KCNT2: variants seen among roughly 807,000 people sequenced by gnomAD.
KCNT2 encodes the protein potassium sodium-activated channel subfamily T member 2.
In KCNT2, 67 loss-of-function variants were observed where a neutral mutation model predicts 153.8. That is an observed-to-expected ratio of 0.44 (90% CI 0.36 to 0.53). The LOEUF is 0.53. Ranked by LOEUF, KCNT2 falls within the 20% of genes least tolerant of loss-of-function variation. The pLI is 0.00. For missense variants in KCNT2, 975 were observed against 1,354.8 expected (o/e 0.72, Z 4.40); for synonymous variants, 500 against 458.8 (o/e 1.09, Z -1.15).
At chr1:196,252,834 T>C (rs1286546627) in intron 26 of KCNT2, among the ~76,000 whole-genome samples, 2 of 151,258 alleles carry the variant, frequency 1.3e-5, no homozygotes, top group African/African-American at 4.8e-5. Context: ...TTATATATAA[T>C]GTTATAGGTG....
At chr1:196,390,259 G>A (rs1328523841) in intron 13 of KCNT2, among the ~76,000 whole-genome samples, 10 of 151,412 alleles carry the variant, frequency 6.6e-5, no homozygotes, top group Admixed American at 1.3e-4. Context: ...TACATGTTAT[G>A]TGTCAAGCAC....
chr1:196,259,963 C>T (rs1353394550), intron 25 of KCNT2, among the ~76,000 whole-genome samples: 1 of 151,810 alleles, frequency 6.6e-6, no homozygotes. Flanking sequence ...TAAAAATTCA[C>T]TTCTGTGGAA....
chr1:196,326,606 A>G (rs1281950204), intron 19 of KCNT2, 111 bp downstream of exon 19: 5 of 551,754 alleles, frequency 9.1e-6, no homozygotes, highest in Admixed American at 7.8e-5. Context: ...ATGTACCATA[A>G]TGTATCTGAT....
intron 11 of KCNT2, among the ~76,000 whole-genome samples, chr1:196,425,387 C>T (rs554000320): frequency 6.6e-6 from 1 of 151,650 alleles, no homozygotes; most frequent in Admixed American, 6.6e-5. Flanking sequence ...CCAGGCAACA[C>T]AAGTGCTATG....
chr1:196,556,660 A>G (rs534605426), intron 1 of KCNT2, among the ~76,000 whole-genome samples: 2 of 151,518 alleles, frequency 1.3e-5, no homozygotes, highest in African/African-American at 2.4e-5. Flanking sequence ...GAATCAGTAT[A>G]TTGGAGATAT....
At chr1:196,279,716 C>T (rs1658913934) in intron 25 of KCNT2, among the ~76,000 whole-genome samples, 2 of 151,850 alleles carry the variant, frequency 1.3e-5, no homozygotes, top group African/African-American at 4.8e-5. Context: ...GTGTGAGCCA[C>T]TGTGCCAGGC....
At chr1:196,576,067 A>C (rs929440939) in intron 1 of KCNT2, among the ~76,000 whole-genome samples, 3 of 104,192 alleles carry the variant, frequency 2.9e-5, no homozygotes, top group African/African-American at 9.8e-5. Flanking sequence ...GCAGTGTGTT[A>C]GGTTTTATAT....
At chr1:196,323,857 T>C (rs1663574726) in intron 19 of KCNT2, among the ~76,000 whole-genome samples, 2 of 151,772 alleles carry the variant, frequency 1.3e-5, no homozygotes, top group African/African-American at 2.4e-5. Flanking sequence ...TTGTAGGAAT[T>C]CCTATAATAT....
chr1:196,342,450 A>G (rs979388333), intron 14 of KCNT2, among the ~76,000 whole-genome samples: 18 of 140,758 alleles, frequency 1.3e-4, no homozygotes, highest in African/African-American at 3.7e-4. Flanking sequence ...ATATATATGT[A>G]TATATATATA....
intron 12 of KCNT2, among the ~76,000 whole-genome samples, chr1:196,410,936 C>T (rs1186402222): frequency 6.7e-6 from 1 of 150,138 alleles, no homozygotes; most frequent in Non-Finnish European, 1.5e-5. Flanking sequence ...TTTCTTTTCT[C>T]CTTCTCTCCT....
intron 19 of KCNT2, among the ~76,000 whole-genome samples, chr1:196,321,390 A>T (rs1362925970): frequency 6.6e-6 from 1 of 151,936 alleles, no homozygotes; most frequent in African/African-American, 2.4e-5. Flanking sequence ...ATTTTATGCC[A>T]ACCCTTCTAC....
At chr1:196,388,294 T>C (rs1031478942) in intron 13 of KCNT2, among the ~76,000 whole-genome samples, 11 of 151,834 alleles carry the variant, frequency 7.2e-5, no homozygotes, top group African/African-American at 2.4e-4. Context: ...TCATGCTGTC[T>C]TTAATACTTT....
chr1:196,331,805 A>G (rs1325754798), intron 17 of KCNT2, among the ~76,000 whole-genome samples: 1 of 152,144 alleles, frequency 6.6e-6, no homozygotes. Flanking sequence ...GATTTGCTCT[A>G]TCAATATTCA....
At chr1:196,458,820 A>G (rs948129663) in intron 8 of KCNT2, among the ~76,000 whole-genome samples, 1 of 151,970 alleles carries the variant, frequency 6.6e-6, no homozygotes, top group Non-Finnish European at 1.5e-5. Context: ...ATAATGCTTA[A>G]TATCCCATAT....
chr1:196,548,470 A>G, intron 1 of KCNT2, among the ~76,000 whole-genome samples: 1 of 152,108 alleles, frequency 6.6e-6, no homozygotes, highest in East Asian at 1.9e-4. Context: ...ATCTCACACC[A>G]GTTAGAATGG....
At chr1:196,243,891 C>T (rs1250413466) in intron 26 of KCNT2, among the ~76,000 whole-genome samples, 1 of 152,004 alleles carries the variant, frequency 6.6e-6, no homozygotes, top group Admixed American at 6.6e-5. Flanking sequence ...TGTGCCACCC[C>T]TCCCCCAAAC....
chr1:196,296,270 G>A (rs1257296573), intron 22 of KCNT2, among the ~76,000 whole-genome samples: 3 of 151,722 alleles, frequency 2.0e-5, no homozygotes, highest in Non-Finnish European at 2.9e-5. Context: ...AAATATGATA[G>A]TTATAGAAAT....
intron 26 of KCNT2, among the ~76,000 whole-genome samples, chr1:196,255,057 C>A (rs1269123565): frequency 6.6e-6 from 1 of 151,436 alleles, no homozygotes; most frequent in Non-Finnish European, 1.5e-5. Flanking sequence ...CCAATATATA[C>A]TACTAGAAAT....
chr1:196,285,361 G>C (rs577802194), intron 23 of KCNT2, among the ~76,000 whole-genome samples: 1 of 152,010 alleles, frequency 6.6e-6, no homozygotes, highest in South Asian at 2.1e-4. Context: ...AATATGCTTG[G>C]AGTAACATGC....
Sources: allele counts gnomAD v4.1 joint callset (sites outside exome capture counted in the v4.1 genomes callset), GRCh38; gene constraint gnomAD v4.1.1; transcripts MANE v1.5; gene names NCBI Gene and HGNC (gene_info 2026-07-23, HGNC 2026-07-21).